RGS3: variants seen among roughly 807,000 people sequenced by gnomAD.
RGS3 encodes regulator of G protein signaling 3.
RGS3 carries 80 observed loss-of-function variants against 132.6 expected under a neutral mutation model. The observed-to-expected ratio is 0.60, with a 90% CI of 0.50 to 0.73. The LOEUF (loss-of-function observed/expected upper bound fraction) is 0.73, where lower values mean the gene tolerates loss of function less well. Ranked by LOEUF, RGS3 falls within the 30% of genes least tolerant of loss-of-function variation. The pLI, the probability that RGS3 is intolerant of heterozygous loss-of-function variation, is 0.00. For missense variants in RGS3, 1,382 were observed against 1,530.8 expected (o/e 0.90, Z 1.62); for synonymous variants, 598 against 620.6 (o/e 0.96, Z 0.54).
chr9:113,542,277 A>G (rs372378435), intron 19 of RGS3, among the ~76,000 whole-genome samples: 86 of 152,302 alleles, frequency 5.6e-4, no homozygotes, highest in African/African-American at 1.9e-3. Context: ...AATGGCGAGC[A>G]GGCCAGTGTG....
In RGS3 at chr9:113,541,885, G is replaced by A. The variant is rs7851718; in HGVS notation, c.2037+4967G>A. On this transcript the variant is annotated intron_variant, in intron 19 of 24. Transcript: ENST00000350696. ...GGCTCATTCATTCGATGGATATTTC[G>A]GGTGCATCTACTTTATGCCAGGCTC... is the stretch of plus-strand genomic sequence containing the variant. 0.099 allele frequency: 97,253 copies of A among 985,788 alleles called. 5,280 individuals carry two copies. Among genetic ancestry groups the A allele is most frequent in the African/African-American group, 0.19 (11,070 of 57,320 alleles). The allele number at this position is 985,788 out of a possible 1,614,324, so 61.1% of individuals were successfully genotyped here.
At chr9:113,587,058 C>A (rs1835154852) in intron 20 of RGS3, among the ~76,000 whole-genome samples, 1 of 152,206 alleles carries the variant, frequency 6.6e-6, no homozygotes, top group South Asian at 2.1e-4. Context: ...CCTGACACTG[C>A]TGCAAAGTGG....
chr9:113,565,333 C>T lies in RGS3; in HGVS notation c.2038-18117C>T. On this transcript the variant is annotated intron_variant, in intron 19 of 24. Coordinates refer to ENST00000350696, the Ensembl canonical transcript of RGS3. The surrounding 1 kb of genome is among the most constrained non-coding windows in gnomAD (Gnocchi z 5.7). ...TGGAAGAAAGAAATCCAGCCTCTCT[C>T]CAGAGTGGCGGTGGCCGGCTAGACA... The T allele has an allele frequency of 7.8e-7, 1 of 1,289,744 alleles. No homozygotes were observed. Among genetic ancestry groups the T allele is most frequent in the Non-Finnish European group, 1.0e-6 (1 of 988,816 alleles). 79.9% of individuals were successfully genotyped at this position (1,289,744 alleles called of 1,614,324 possible).
Position 113,498,015 on chromosome 9 carries a change from C to A in RGS3, c.842-10C>A, listed in dbSNP as rs1169345347. On this transcript the variant is annotated splice_polypyrimidine_tract_variant and intron_variant, in intron 9 of 24. Transcript: ENST00000350696. ...CAGAAGTTTTCTGATTCTGCTCTGT[C>A]ACCTTCCAGACCCGCTGCTGAGAAT... The A allele has an allele frequency of 6.2e-7, 1 of 1,613,992 alleles. No individual in the cohort carries two copies. The highest frequency in any genetic ancestry group is 2.2e-5 in the East Asian group (1 of 44,870).
At chr9:113,545,716 AAC>A (rs1466265116) in intron 19 of RGS3, among the ~76,000 whole-genome samples, 1 of 152,204 alleles carries the variant, frequency 6.6e-6, no homozygotes, top group East Asian at 1.9e-4. Context: ...AACATAAGGT[AAC>A]CTGGTGGGCA....
chr9:113,595,394 T>TAG, intron 23 of RGS3: 1 of 586,872 alleles, frequency 1.7e-6, no homozygotes, highest in Non-Finnish European at 3.0e-6. Context: ...CACTGAGGCA[T>TAG]AGAGAGGGGG....
intron 7 of RGS3, among the ~76,000 whole-genome samples, chr9:113,489,965 A>T (rs986305698): frequency 3.9e-5 from 6 of 152,178 alleles, no homozygotes; most frequent in African/African-American, 1.4e-4. Flanking sequence ...TGTGTTAGAG[A>T]AACAAGATGA....
intron 1 of RGS3, among the ~76,000 whole-genome samples, chr9:113,448,274 A>T (rs1173374274): frequency 6.6e-6 from 1 of 151,512 alleles, no homozygotes; most frequent in Non-Finnish European, 1.5e-5. Flanking sequence ...AACCTCTTTC[A>T]CTTGGTTTAC....
chr9:113,585,894 C>A (rs766215512), intron 20 of RGS3, among the ~76,000 whole-genome samples: 1 of 152,188 alleles, frequency 6.6e-6, no homozygotes, highest in Non-Finnish European at 1.5e-5. Flanking sequence ...CTGGGGCCCT[C>A]CAGAAAAGGG....
At chr9:113,571,964 T>C (rs918689095) in intron 19 of RGS3, among the ~76,000 whole-genome samples, 1 of 152,218 alleles carries the variant, frequency 6.6e-6, no homozygotes, top group African/African-American at 2.4e-5. Flanking sequence ...TATAGGGCAA[T>C]GTCACCTTTG....
At chr9:113,492,070 A>G (rs369933859) in intron 7 of RGS3, among the ~76,000 whole-genome samples, 39 of 152,330 alleles carry the variant, frequency 2.6e-4, no homozygotes, top group Admixed American at 5.2e-4. Flanking sequence ...TCTAAGTTCA[A>G]TTTAAGTCAT....
chr9:113,564,770 T>C (rs953975958), intron 19 of RGS3, among the ~76,000 whole-genome samples: 2 of 152,174 alleles, frequency 1.3e-5, no homozygotes, highest in African/African-American at 4.8e-5. Context: ...CATTCAAAGA[T>C]TCAGCTGTGT....
At chr9:113,539,545 A>G (rs1176584760) in intron 19 of RGS3, among the ~76,000 whole-genome samples, 1 of 152,124 alleles carries the variant, frequency 6.6e-6, no homozygotes, top group East Asian at 1.9e-4. Flanking sequence ...CCTGACCTCA[A>G]GAGTAGCACA....
At chr9:113,468,777 T>C (rs1226217463) in intron 3 of RGS3, among the ~76,000 whole-genome samples, 6 of 152,168 alleles carry the variant, frequency 3.9e-5, no homozygotes, top group Non-Finnish European at 7.3e-5. Flanking sequence ...CAGGTTGCCT[T>C]TTCTGCAGGG....
intron 19 of RGS3, among the ~76,000 whole-genome samples, chr9:113,553,068 C>G (rs547259142): frequency 5.9e-5 from 9 of 151,978 alleles, no homozygotes; most frequent in Non-Finnish European, 1.2e-4. Flanking sequence ...CAAATTTTCC[C>G]CCATGCACAT....
At chr9:113,533,831 G>A (rs921498481) in intron 18 of RGS3, among the ~76,000 whole-genome samples, 3 of 152,306 alleles carry the variant, frequency 2.0e-5, no homozygotes, top group East Asian at 1.9e-4. Context: ...TGCCTCACCC[G>A]GCTTCTCCCT....
chr9:113,544,744 A>G (rs1033311380), intron 19 of RGS3, among the ~76,000 whole-genome samples: 2 of 152,242 alleles, frequency 1.3e-5, no homozygotes, highest in Non-Finnish European at 2.9e-5. Flanking sequence ...GTTTTATCCT[A>G]GGTCACACAG....
intron 10 of RGS3, among the ~76,000 whole-genome samples, chr9:113,498,627 T>G (rs1205185765): frequency 6.6e-6 from 1 of 152,082 alleles, no homozygotes; most frequent in Non-Finnish European, 1.5e-5. Flanking sequence ...AGAGAGGGAA[T>G]TACTTGGCCA....
chr9:113,555,472 A>C (rs964804408), intron 19 of RGS3, among the ~76,000 whole-genome samples: 1 of 146,336 alleles, frequency 6.8e-6, no homozygotes, highest in Non-Finnish European at 1.5e-5. Context: ...GGTTGTGACT[A>C]TTTTTTTTTT....
Sources: gnomAD v4.1 joint callset for allele counts (sites outside exome capture counted in the v4.1 genomes callset) on GRCh38, gnomAD v4.1.1 for gene constraint, Gnocchi (gnomAD v3.1) non-coding constraint, MANE v1.5 for transcripts, NCBI Gene and HGNC (gene_info 2026-07-23, HGNC 2026-07-21) for gene names.